The following POMC variants were observed in gnomAD, a reference collection of about 807,000 sequenced individuals.
POMC encodes pro-opiomelanocortin.
A neutral mutation model predicts 18.5 loss-of-function variants in POMC; 19 were observed. The observed-to-expected ratio is 1.03, with a 90% CI of 0.72 to 1.51. POMC has a LOEUF of 1.51. Among genes scored for constraint, POMC ranks in the 40% most tolerant of loss-of-function variants. The pLI is 0.00. For missense variants in POMC, 451 were observed against 379.0 expected, an observed-to-expected ratio of 1.19 and a Z score of -1.58; for synonymous variants, 179 against 161.9, an observed-to-expected ratio of 1.11 and a Z score of -0.80.
chr2:25,167,007 T>G (rs1377513011), intron 1 of POMC, among the ~76,000 whole-genome samples: 1 of 152,182 alleles, frequency 6.6e-6, no homozygotes, highest in Non-Finnish European at 1.5e-5. Flanking sequence ...AACTTGAAAT[T>G]TGCTCATCCT....
In POMC at chr2:25,161,209, A is replaced by T; in HGVS notation, c.676T>A (p.Phe226Ile). The change falls in exon 3 of 3, where the codon TTC becomes ATC. Residue 226 changes from phenylalanine to isoleucine, a missense_variant. By Grantham distance (21) the Phe-to-Ile change is conservative. Transcript: ENST00000395826. The surrounding 1 kb of genome is among the most constrained non-coding windows in gnomAD (Gnocchi z 5.7). ...KDEGPYRMEH[F>I]RWGSPPKDKR... is the part of the protein sequence containing the mutation. ...TCCTTGGGCGGGCTGCCCCAGCGGA[A>T]GTGCTCCATCCTGTAGGGGCCCTCG... is the stretch of plus-strand genomic sequence containing the variant. 1 of 1,613,322 alleles carries T rather than the reference A, an allele frequency of 6.2e-7. No homozygotes were observed. The highest frequency in any genetic ancestry group is 8.5e-7 in the Non-Finnish European group (1 of 1,179,922).
Position 25,164,621 on chromosome 2 carries a change from G to GGCAGTCA in POMC, c.132+13_132+19dup. 6.2e-7 allele frequency: 1 copy of GGCAGTCA among 1,613,920 alleles called. No homozygotes were observed. Among genetic ancestry groups the GGCAGTCA allele is most frequent in the Non-Finnish European group, 8.5e-7 (1 of 1,179,850 alleles). On this transcript the variant is annotated intron_variant, in intron 2 of 2. Transcript: ENST00000395826. ...TCCCATCTAATGTCTAAGCCAAGATGGCAGTCATGGCCCACGTACCAGCAG... is the reference window on the plus strand; with the variant it reads ...TCCCATCTAATGTCTAAGCCAAGATGGCAGTCAGCAGTCATGGCCCACGTACCAGCAG...
At chr2:25,162,470 A>C (rs1671426926) in intron 2 of POMC, among the ~76,000 whole-genome samples, 1 of 152,092 alleles carries the variant, frequency 6.6e-6, no homozygotes, top group Admixed American at 6.6e-5. Context: ...AAAATAAATA[A>C]ATAAATAAAA....
chr2:25,161,933 T>G lies in POMC; in HGVS notation c.133-181A>C, dbSNP rs1671406393. Among the ~76,000 whole-genome samples, 1 of 152,200 alleles carries G rather than the reference T, an allele frequency of 6.6e-6. No homozygotes were observed. The highest frequency in any genetic ancestry group is 1.5e-5 in the Non-Finnish European group (1 of 68,030). ...GAGCAGGTCTGCCCACCTGCTTTCT[T>G]GGCACTCGTGGGCATCTAAGATCTT... is the stretch of plus-strand genomic sequence containing the variant. On this transcript the variant is annotated intron_variant, in intron 2 of 2. Coordinates refer to ENST00000395826, the MANE Select transcript of POMC (RefSeq NM_000939.4). This position sits in a 1 kb window ranked among gnomAD's most constrained non-coding sequence, Gnocchi z 5.7.
At chr2:25,166,953 G>C (rs926048955) in intron 1 of POMC, among the ~76,000 whole-genome samples, 1 of 152,092 alleles carries the variant, frequency 6.6e-6, no homozygotes, top group African/African-American at 2.4e-5. Context: ...TTTTAAGTAG[G>C]GAAAGTATTA....
At position 25,161,717 on chromosome 2, in the gene POMC, G is replaced by C. The variant is rs777627899; in HGVS notation, c.168C>G (p.Ala56=). 6.3e-6 allele frequency: 10 copies of C among 1,592,986 alleles called. No homozygotes were observed. In the South Asian group the frequency reaches 6.9e-5, roughly 11 times the overall value. ...CIRACKPDLS[A]ETPMFPGNGD... is the part of the protein sequence containing the mutation. ...CATTTCCCGGGAACATGGGAGTCTC[G>C]GCCGAGAGGTCGGGCTTGCAGGCCC... The change falls in exon 3 of 3, where the codon GCC becomes GCG. Residue 56 remains alanine (A), a synonymous_variant. Coordinates refer to ENST00000395826, the MANE Select transcript of POMC (RefSeq NM_000939.4). This position sits in a 1 kb window ranked among gnomAD's most constrained non-coding sequence, Gnocchi z 5.7.
chr2:25,164,843 T>C, intron 1 of POMC, 51 bp from the exon 2 acceptor site: 1 of 1,601,532 alleles, frequency 6.2e-7, no homozygotes, highest in Non-Finnish European at 8.5e-7. Flanking sequence ...CAAAACAATG[T>C]TGGCCACTCA....
chr2:25,161,149 T>G lies in POMC; in HGVS notation c.736A>C (p.Ser246Arg), dbSNP rs1418103277. Residue 246 changes from serine (S) to arginine (R), a missense_variant, in exon 3 of 3, where the codon AGC becomes CGC. By Grantham distance (110) the Ser-to-Arg change is moderately radical. Coordinates refer to ENST00000395826, the MANE Select transcript of POMC (RefSeq NM_000939.4). The surrounding 1 kb of genome is among the most constrained non-coding windows in gnomAD (Gnocchi z 5.7). ...AACAGCGTCACCAGGGGCGTCTGGC[T>G]CTTCTCGGAGGTCATGAAACCGCCG... Reference protein sequence around the residue: ...RYGGFMTSEKSQTPLVTLFKN... With the variant: ...RYGGFMTSEKRQTPLVTLFKN... 1 of 1,613,736 alleles carries G rather than the reference T, an allele frequency of 6.2e-7. No homozygotes were observed. The highest frequency in any genetic ancestry group is 1.7e-5 in the Admixed American group (1 of 59,976).
Position 25,161,884 on chromosome 2 carries a change from G to A in POMC, c.133-132C>T. 7.1e-7 allele frequency: 1 copy of A among 1,410,154 alleles called. No homozygotes were observed. Among genetic ancestry groups the A allele is most frequent in the Non-Finnish European group, 9.3e-7 (1 of 1,080,802 alleles). The allele number at this position is 1,410,154 out of a possible 1,614,324, so 87.4% of individuals were successfully genotyped here. A position where few individuals can be genotyped will look rare whatever the true frequency, so the allele number is the denominator to read the frequency against. ...GGACACAGGGCACAGTGTCGGGCGTGTCAAGCGTCGAGGCCTCCCTACAGA... is the reference window on the plus strand; with the variant it reads ...GGACACAGGGCACAGTGTCGGGCGTATCAAGCGTCGAGGCCTCCCTACAGA... On this transcript the variant is annotated intron_variant, in intron 2 of 2. Coordinates refer to ENST00000395826, the MANE Select transcript of POMC (RefSeq NM_000939.4). This position sits in a 1 kb window ranked among gnomAD's most constrained non-coding sequence, Gnocchi z 5.7.
At chr2:25,166,999 C>T (rs1446956903) in intron 1 of POMC, among the ~76,000 whole-genome samples, 2 of 152,048 alleles carry the variant, frequency 1.3e-5, no homozygotes, top group Non-Finnish European at 2.9e-5. Flanking sequence ...AAAATAGAAA[C>T]TTGAAATTTG....
In POMC at chr2:25,161,851, C is replaced by G; in HGVS notation, c.133-99G>C. On this transcript the variant is annotated intron_variant, in intron 2 of 2. Transcript: ENST00000395826. This position sits in a 1 kb window ranked among gnomAD's most constrained non-coding sequence, Gnocchi z 5.7. ...GCCTAGGCCCTGGCCGCCCTCGCCA[C>G]GTGCCGAGGACACAGGGCACAGTGT... The G allele has an allele frequency of 6.9e-7, 1 of 1,458,060 alleles. No individual in the cohort carries two copies. Among genetic ancestry groups the G allele is most frequent in the South Asian group, 1.4e-5 (1 of 71,272 alleles). The allele number at this position is 1,458,060 out of a possible 1,614,324, so 90.3% of individuals were successfully genotyped here. A position where few individuals can be genotyped will look rare whatever the true frequency, so the allele number is the denominator to read the frequency against.
At chr2:25,166,995 G>A (rs527372503) in intron 1 of POMC, among the ~76,000 whole-genome samples, 1 of 152,086 alleles carries the variant, frequency 6.6e-6, no homozygotes, top group East Asian at 1.9e-4. Flanking sequence ...TGGAAAAATA[G>A]AAACTTGAAA....
intron 2 of POMC, among the ~76,000 whole-genome samples, chr2:25,162,842 C>T (rs572232301): frequency 1.3e-5 from 2 of 152,368 alleles, no homozygotes; most frequent in Admixed American, 6.5e-5. Context: ...GGTTCTTTCA[C>T]GACTTCTGAG....
At position 25,164,759 on chromosome 2, in the gene POMC, C is replaced by T. The variant is rs765158244; in HGVS notation, c.14G>A (p.Cys5Tyr). The T allele has an allele frequency of 5.6e-6, 9 of 1,613,838 alleles. No homozygotes were observed. Among genetic ancestry groups the T allele is most frequent in the Admixed American group, 3.3e-5 (2 of 59,996 alleles). ...CAACAGGGCCCCCGAGCGGCTGCAG[C>T]ACGATCTCGGCATCTTCCAGGCAGG... MPRS[C>Y]CSRSGALLLA... The change falls in exon 2 of 3, where the codon TGC becomes TAC. Residue 5 changes from cysteine (C) to tyrosine (Y), a missense_variant. Physicochemically the swap from Cys to Tyr is radical, Grantham distance 194. Coordinates refer to ENST00000395826, the MANE Select transcript of POMC (RefSeq NM_000939.4).
chr2:25,161,740 C>T lies in POMC; in HGVS notation c.145G>A (p.Ala49Thr). The change falls in exon 3 of 3, where the codon GCC becomes ACC. Residue 49 changes from alanine (A) to threonine (T), a missense_variant. Coordinates refer to ENST00000395826, the MANE Select transcript of POMC (RefSeq NM_000939.4). This position sits in a 1 kb window ranked among gnomAD's most constrained non-coding sequence, Gnocchi z 5.7. ...TCGGCCGAGAGGTCGGGCTTGCAGG[C>T]CCGGATGCACTCCTGGGGGAAGACG... The part of the protein sequence containing the change: ...TESNLLECIR[A>T]CKPDLSAETP... 6.3e-7 allele frequency: 1 copy of T among 1,594,160 alleles called. No homozygotes were observed. Among genetic ancestry groups the T allele is most frequent in the Middle Eastern group, 1.7e-4 (1 of 5,938 alleles).
Position 25,164,662 on chromosome 2 carries a change from G to C in POMC, c.111C>G (p.Leu37=), listed in dbSNP as rs1671492748. The change falls in exon 2 of 3, where the codon CTC becomes CTG. Residue 37 remains leucine, a synonymous_variant. Transcript: ENST00000395826. ...GTACCAGCAGGTTGCTTTCCGTGGTGAGGTCCTGACACTGGCTGCTCTCCA... is the reference window on the plus strand; with the variant it reads ...GTACCAGCAGGTTGCTTTCCGTGGTCAGGTCCTGACACTGGCTGCTCTCCA... The part of the protein sequence containing the change: ...WCLESSQCQD[L]TTESNLLECI... 6.2e-7 allele frequency: 1 copy of C among 1,614,044 alleles called. No individual in the cohort carries two copies. Among genetic ancestry groups the C allele is most frequent in the Non-Finnish European group, 8.5e-7 (1 of 1,180,022 alleles).
intron 2 of POMC, among the ~76,000 whole-genome samples, chr2:25,162,709 A>G (rs1453712243): frequency 6.6e-6 from 1 of 152,164 alleles, no homozygotes; most frequent in African/African-American, 2.4e-5. Context: ...ACTCCGTCTC[A>G]AAAAAATAAA....
rs1453226041 is a variant in POMC, at chr2:25,160,877, T to G, written c.*204A>C. 15 of 861,038 alleles carry G rather than the reference T, an allele frequency of 1.7e-5. No individual in the cohort carries two copies. The highest frequency in any genetic ancestry group is 2.6e-5 in the Non-Finnish European group (15 of 576,692). 53.3% of individuals were successfully genotyped at this position (861,038 alleles called of 1,614,324 possible). On this transcript the variant is annotated 3_prime_UTR_variant, in exon 3 of 3. Transcript: ENST00000395826. Reference sequence around the variant, plus strand: ...TGCTGTTATTTGACGGCTACGTATTTTTACTTTATTCACACAGTTTACATT... The same window carrying G: ...TGCTGTTATTTGACGGCTACGTATTGTTACTTTATTCACACAGTTTACATT...
rs1018907588 is a variant in POMC, at chr2:25,164,702, A to T, written c.71T>A (p.Val24Glu). Residue 24 changes from valine (V) to glutamate (E), a missense_variant, in exon 2 of 3, where the codon GTG becomes GAG. Transcript: ENST00000395826. Reference sequence around the variant, plus strand: ...GCTGCTCTCCAGGCACCAGCCACGCACTTCCATGGAGGCCTGAAGCAGCAA... The same window carrying T: ...GCTGCTCTCCAGGCACCAGCCACGCTCTTCCATGGAGGCCTGAAGCAGCAA... ...LALLLQASME[V>E]RGWCLESSQC... is the part of the protein sequence containing the mutation. 2 of 1,614,022 alleles carry T rather than the reference A, an allele frequency of 1.2e-6. No individual in the cohort carries two copies. The highest frequency in any genetic ancestry group is 2.2e-5 in the East Asian group (1 of 44,894).
Sources: gnomAD v4.1 joint callset for allele counts (sites outside exome capture counted in the v4.1 genomes callset) on GRCh38, gnomAD v4.1.1 for gene constraint, Gnocchi (gnomAD v3.1) non-coding constraint, MANE v1.5 for transcripts, NCBI Gene and HGNC (gene_info 2026-07-23, HGNC 2026-07-21) for gene names.